ITIH5: variants seen among roughly 807,000 people sequenced by gnomAD.
ITIH5 encodes the protein inter-alpha-trypsin inhibitor heavy chain 5, also known as inter-alpha-trypsin inhibitor heavy chain H5.
In ITIH5, 65 loss-of-function variants were observed where a neutral mutation model predicts 77.5. That is an observed-to-expected ratio of 0.84 (90% CI 0.69 to 1.03). The LOEUF (loss-of-function observed/expected upper bound fraction) is 1.03, where lower values mean the gene tolerates loss of function less well. ITIH5 is among the 50% of genes least tolerant of loss of function. The probability of loss-of-function intolerance (pLI) is 0.00; values close to 1 mark genes in which losing one functional copy is unlikely to be tolerated. For synonymous variants in ITIH5, 525 were observed against 494.3 expected (o/e 1.06, Z -0.82); for missense variants, 1,208 against 1,213.1 (o/e 1.00, Z 0.06).
intron 12 of ITIH5, among the ~76,000 whole-genome samples, chr10:7,567,342 T>TA (rs1832208308): frequency 6.7e-6 from 1 of 148,398 alleles, no homozygotes; most frequent in South Asian, 2.1e-4. Context: ...TTATTATTAT[T>TA]ATTATTATTA....
At chr10:7,663,295 T>A (rs1473871218) in intron 1 of ITIH5, among the ~76,000 whole-genome samples, 2 of 152,238 alleles carry the variant, frequency 1.3e-5, no homozygotes, top group African/African-American at 4.8e-5. Context: ...GTCAGAGACT[T>A]AACTAGGCTG....
At chr10:7,657,938 C>G (rs1411335037) in intron 1 of ITIH5, among the ~76,000 whole-genome samples, 1 of 152,164 alleles carries the variant, frequency 6.6e-6, no homozygotes, top group Non-Finnish European at 1.5e-5. Flanking sequence ...ACTGCTGACC[C>G]AAGATGGACA....
chr10:7,666,906 C>T lies in ITIH5; in HGVS notation c.-14G>A, dbSNP rs778126305. 6 of 1,581,222 alleles carry T rather than the reference C, an allele frequency of 3.8e-6. No individual in the cohort carries two copies. Among genetic ancestry groups the T allele is most frequent in the African/African-American group, 1.4e-5 (1 of 71,786 alleles). On this transcript the variant is annotated 5_prime_UTR_variant, in exon 1 of 14. Transcript: ENST00000397146. ...CAGCAGGAGCATGGCGGGGCGAGGGCGCGGGACGCTCGGGGACCCGGCGGG... is the reference window on the plus strand; with the variant it reads ...CAGCAGGAGCATGGCGGGGCGAGGGTGCGGGACGCTCGGGGACCCGGCGGG...
intron 5 of ITIH5, among the ~76,000 whole-genome samples, chr10:7,634,814 C>T (rs1487059733): frequency 1.3e-5 from 2 of 152,162 alleles, no homozygotes; most frequent in Non-Finnish European, 2.9e-5. Flanking sequence ...ATACTCTACC[C>T]TCCTTACGAG....
chr10:7,565,590 AC>A (rs1832133947), intron 13 of ITIH5, among the ~76,000 whole-genome samples: 1 of 148,934 alleles, frequency 6.7e-6, no homozygotes, highest in Non-Finnish European at 1.5e-5. Context: ...ATACATATAT[AC>A]ATGTATATTT....
chr10:7,649,516 AGATG>A (rs1834061812), intron 2 of ITIH5, among the ~76,000 whole-genome samples: 1 of 117,470 alleles, frequency 8.5e-6, no homozygotes, highest in Non-Finnish European at 1.8e-5. Context: ...ATAGATAGAT[AGATG>A]GATAGATAGA....
At chr10:7,573,801 A>G (rs1832353823) in intron 10 of ITIH5, among the ~76,000 whole-genome samples, 1 of 151,936 alleles carries the variant, frequency 6.6e-6, no homozygotes, top group Admixed American at 6.6e-5. Context: ...ATTTTTGTGT[A>G]TATTATAGGG....
In ITIH5 at chr10:7,630,111, G is replaced by T. The variant is rs192427116; in HGVS notation, c.652+7117C>A. ...TGACTATTTTTTCTGCCACTCAACA[G>T]GTGTAGTCGTATGACTTTCATGGTT... On this transcript the variant is annotated intron_variant, in intron 5 of 13. Coordinates refer to ENST00000397146, the MANE Select transcript of ITIH5 (RefSeq NM_030569.7). 3.7e-4 allele frequency among the ~76,000 whole-genome samples: 57 copies of T among 152,258 alleles called. No homozygotes were observed. In the East Asian group the frequency reaches 4.6e-3, roughly 12 times the overall value.
In ITIH5 at chr10:7,566,736, A is replaced by T. The variant is rs1485524453; in HGVS notation, c.2150-329T>A. Among the ~76,000 whole-genome samples, 2 of 34,752 alleles carry T rather than the reference A, an allele frequency of 5.8e-5. 1 individual carries two copies. Among genetic ancestry groups the T allele is most frequent in the Admixed American group, 7.4e-4 (2 of 2,692 alleles). The allele number at this position is 34,752 out of a possible 152,430, so 22.8% of individuals were successfully genotyped here. Reference sequence around the variant, plus strand: ...GATCCTATCTCATTAAAAAAAAAAAAAAAAAGAAGAAGAAGAAGAAGAAGA... The same window carrying T: ...GATCCTATCTCATTAAAAAAAAAAATAAAAAGAAGAAGAAGAAGAAGAAGA... On this transcript the variant is annotated intron_variant, in intron 12 of 13. Transcript: ENST00000397146.
chr10:7,563,044 A>T lies in ITIH5; in HGVS notation c.*39T>A, dbSNP rs1305371032. On this transcript the variant is annotated 3_prime_UTR_variant, in exon 14 of 14. Transcript: ENST00000397146. ...AGCTGCCCCACGGCCTCCCCACATCACTGTCCTTCATGCACTTGCATCTTT... is the reference window on the plus strand; with the variant it reads ...AGCTGCCCCACGGCCTCCCCACATCTCTGTCCTTCATGCACTTGCATCTTT... The T allele has an allele frequency of 4.4e-6, 7 of 1,589,852 alleles. No individual in the cohort carries two copies. The highest frequency in any genetic ancestry group is 1.7e-5 in the Admixed American group (1 of 59,968).
chr10:7,584,310 C>CTT (rs148774385), intron 8 of ITIH5, among the ~76,000 whole-genome samples: 2 of 127,186 alleles, frequency 1.6e-5, no homozygotes. Context: ...TTTTTTTTTT[C>CTT]TTTTTTTTTT....
At chr10:7,608,282 TTTTG>T (rs1375469563) in intron 7 of ITIH5, among the ~76,000 whole-genome samples, 2 of 152,154 alleles carry the variant, frequency 1.3e-5, no homozygotes, top group Admixed American at 6.5e-5. Flanking sequence ...GTCGTTTAAT[TTTTG>T]TTTGTTTGTT....
rs757337225 is a variant in ITIH5 at position 7,586,009 on chromosome 10, T to C, written c.1000A>G (p.Ile334Val). The C allele has an allele frequency of 3.1e-6, 5 of 1,614,086 alleles. No homozygotes were observed. The highest frequency in any genetic ancestry group is 4.2e-6 in the Non-Finnish European group (5 of 1,180,016). Reference sequence around the variant, plus strand: ...ACTTTGATCCGGTTGGAAAATCCAATGATACTGAAACGGTCCTGGGGTCGG... The same window carrying C: ...ACTTTGATCCGGTTGGAAAATCCAACGATACTGAAACGGTCCTGGGGTCGG... ...DLRPQDRFSI[I>V]GFSNRIKVWK... Residue 334 changes from isoleucine (I) to valine (V), a missense_variant, in exon 8 of 14, where the codon ATT becomes GTT. Physicochemically the swap from Ile to Val is conservative, Grantham distance 29. Transcript: ENST00000397146.
intron 2 of ITIH5, among the ~76,000 whole-genome samples, 191 bp from the exon 3 acceptor site, chr10:7,642,281 T>G (rs1346480529): frequency 6.6e-6 from 1 of 152,180 alleles, no homozygotes; most frequent in African/African-American, 2.4e-5. Flanking sequence ...TAAAACAACC[T>G]TGGTTGTTTT....
At chr10:7,598,167 G>A (rs986970496) in intron 7 of ITIH5, among the ~76,000 whole-genome samples, 12 of 152,126 alleles carry the variant, frequency 7.9e-5, no homozygotes, top group African/African-American at 2.4e-4. Flanking sequence ...TCCTTTTGTT[G>A]CCCCTCTGCT....
intron 2 of ITIH5, 65 bp downstream of exon 2, chr10:7,655,566 C>T: frequency 7.5e-7 from 1 of 1,327,966 alleles, no homozygotes; most frequent in Non-Finnish European, 1.1e-6. Context: ...AAAGTGGATA[C>T]CTGGTTCAAA....
intron 5 of ITIH5, among the ~76,000 whole-genome samples, chr10:7,627,312 GA>G (rs1427786519): frequency 1.9e-5 from 2 of 107,658 alleles, no homozygotes; most frequent in Non-Finnish European, 3.8e-5. Flanking sequence ...AGAAAAAAAA[GA>G]AAATAAGAAG....
intron 1 of ITIH5, among the ~76,000 whole-genome samples, chr10:7,661,627 T>G (rs1313905552): frequency 6.6e-6 from 1 of 152,234 alleles, no homozygotes; most frequent in African/African-American, 2.4e-5. Context: ...CAATTTGGGA[T>G]GCCTATCACC....
Position 7,666,913 on chromosome 10 carries a change from C to T in ITIH5, c.-21G>A, listed in dbSNP as rs745822687. The T allele has an allele frequency of 3.4e-5, 54 of 1,571,966 alleles. 2 individuals carry two copies. The South Asian group carries it at 5.6e-4, about 16-fold the overall frequency. On this transcript the variant is annotated 5_prime_UTR_variant, in exon 1 of 14. Coordinates refer to ENST00000397146, the MANE Select transcript of ITIH5 (RefSeq NM_030569.7). Reference sequence around the variant, plus strand: ...AGCATGGCGGGGCGAGGGCGCGGGACGCTCGGGGACCCGGCGGGACACGCT... The same window carrying T: ...AGCATGGCGGGGCGAGGGCGCGGGATGCTCGGGGACCCGGCGGGACACGCT...
Sources: allele counts gnomAD v4.1 joint callset (sites outside exome capture counted in the v4.1 genomes callset), GRCh38; gene constraint gnomAD v4.1.1; transcripts MANE v1.5; gene names NCBI Gene and HGNC (gene_info 2026-07-23, HGNC 2026-07-21).